The following QTMAN variants were observed in gnomAD, a reference collection of about 807,000 sequenced individuals.
The protein encoded by QTMAN is queuosine-tRNA mannosyltransferase.
chr2:144,231,719 A>G, the QTMAN span, among the ~76,000 whole-genome samples: 1 of 152,168 alleles, frequency 6.6e-6, no homozygotes, highest in East Asian at 1.9e-4. Flanking sequence ...ATATATTCTT[A>G]CCACAGAAAA....
the QTMAN span, among the ~76,000 whole-genome samples, chr2:143,994,145 G>A: frequency 6.6e-6 from 1 of 152,044 alleles, no homozygotes; most frequent in Non-Finnish European, 1.5e-5. Flanking sequence ...TCAGGTTTAT[G>A]GATAACAAGG....
chr2:144,134,859 C>G, the QTMAN span, among the ~76,000 whole-genome samples: 1 of 152,022 alleles, frequency 6.6e-6, no homozygotes, highest in African/African-American at 2.4e-5. Context: ...AAGATCTCCA[C>G]AGGAAACATA....
At chr2:144,193,864 C>A in the QTMAN span, among the ~76,000 whole-genome samples, 1 of 151,950 alleles carries the variant, frequency 6.6e-6, no homozygotes, top group Non-Finnish European at 1.5e-5. Flanking sequence ...AGCTACAATT[C>A]AAAATTGATA....
At chr2:143,983,647 G>C in the QTMAN span, among the ~76,000 whole-genome samples, 2 of 151,820 alleles carry the variant, frequency 1.3e-5, no homozygotes, top group Non-Finnish European at 2.9e-5. Context: ...CTAATTTTTT[G>C]TATTTTTAGT....
chr2:144,269,682 G>A, the QTMAN span, among the ~76,000 whole-genome samples: 3 of 151,836 alleles, frequency 2.0e-5, no homozygotes, highest in African/African-American at 7.2e-5. Context: ...AAAATACAAC[G>A]GGCCAGAAAA....
At chr2:144,164,332 G>T in the QTMAN span, among the ~76,000 whole-genome samples, 1 of 152,090 alleles carries the variant, frequency 6.6e-6, no homozygotes, top group Non-Finnish European at 1.5e-5. Flanking sequence ...TGTGAGATGT[G>T]TAAGGTGCTT....
chr2:144,027,647 T>C, the QTMAN span, among the ~76,000 whole-genome samples: 1 of 152,332 alleles, frequency 6.6e-6, no homozygotes, highest in East Asian at 1.9e-4. Context: ...ACTATGTTAC[T>C]AAGTACACAT....
chr2:144,049,954 C>T, the QTMAN span, among the ~76,000 whole-genome samples: 10 of 152,156 alleles, frequency 6.6e-5, no homozygotes, highest in Admixed American at 1.3e-4. Context: ...GTATTGCAGA[C>T]GTGGGAAAGA....
At chr2:144,230,677 T>C in the QTMAN span, among the ~76,000 whole-genome samples, 1 of 152,152 alleles carries the variant, frequency 6.6e-6, no homozygotes, top group Non-Finnish European at 1.5e-5. Flanking sequence ...GAAGGCCTAA[T>C]CACATGGACA....
chr2:144,122,294 T>C, the QTMAN span, among the ~76,000 whole-genome samples: 2 of 152,190 alleles, frequency 1.3e-5, no homozygotes, highest in African/African-American at 4.8e-5. Flanking sequence ...CATGTGTCAG[T>C]AGAATTTATT....
chr2:144,146,010 A>AG, the QTMAN span: 1 of 216,866 alleles, frequency 4.6e-6, no homozygotes, highest in Non-Finnish European at 8.7e-6. Flanking sequence ...AAAAAAAAAA[A>AG]AAAAAAAAGC....
At chr2:144,193,477 A>T in the QTMAN span, among the ~76,000 whole-genome samples, 1 of 148,520 alleles carries the variant, frequency 6.7e-6, no homozygotes, top group Non-Finnish European at 1.5e-5. Flanking sequence ...TGTATATATT[A>T]TGTTATATAT....
the QTMAN span, among the ~76,000 whole-genome samples, chr2:144,249,187 A>C: frequency 6.6e-6 from 1 of 152,244 alleles, no homozygotes; most frequent in Admixed American, 6.5e-5. Context: ...ATGACGCAGC[A>C]CAAATTCTAG....
the QTMAN span, among the ~76,000 whole-genome samples, chr2:144,050,795 A>T: frequency 1.3e-5 from 2 of 152,144 alleles, no homozygotes; most frequent in Non-Finnish European, 2.9e-5. Flanking sequence ...ACACACACAC[A>T]CACACACATT....
chr2:144,105,368 C>T, the QTMAN span, among the ~76,000 whole-genome samples: 8 of 152,218 alleles, frequency 5.3e-5, no homozygotes, highest in Admixed American at 3.9e-4. Context: ...AAAGATTAGA[C>T]GAATGGCTAA....
chr2:143,992,534 A>AT, the QTMAN span, among the ~76,000 whole-genome samples: 21 of 151,872 alleles, frequency 1.4e-4, no homozygotes, highest in African/African-American at 4.8e-4. Context: ...TGATCAATAA[A>AT]AAAATAAATA....
the QTMAN span, among the ~76,000 whole-genome samples, chr2:144,159,913 G>A: frequency 2.6e-5 from 4 of 152,076 alleles, no homozygotes; most frequent in South Asian, 2.1e-4. Context: ...TACACAGTGC[G>A]GGGATGCTGA....
chr2:144,009,168 C>G, the QTMAN span, among the ~76,000 whole-genome samples: 1 of 151,976 alleles, frequency 6.6e-6, no homozygotes, highest in Non-Finnish European at 1.5e-5. Context: ...TAGTGAACCT[C>G]GCTTTCTTGC....
chr2:144,041,754 G>T, the QTMAN span, among the ~76,000 whole-genome samples: 1 of 152,144 alleles, frequency 6.6e-6, no homozygotes, highest in Non-Finnish European at 1.5e-5. Context: ...CTGCAAGCTT[G>T]TAGGAGAGGA....
Sources: gnomAD v4.1 joint callset for allele counts (sites outside exome capture counted in the v4.1 genomes callset) on GRCh38, gnomAD v4.1.1 for gene constraint, MANE v1.5 for transcripts, NCBI Gene and HGNC (gene_info 2026-07-23, HGNC 2026-07-21) for gene names.